Variants in ZSCAN25 observed in about 807,000 individuals in gnomAD.
The protein encoded by ZSCAN25 is zinc finger and SCAN domain containing 25, also known as zinc finger and SCAN domain-containing protein 25.
Under a neutral mutation model 38.7 loss-of-function variants are expected in ZSCAN25, and 27 were observed. The ratio of observed to expected loss-of-function variants is 0.70; its 90% CI spans 0.51 to 0.96. ZSCAN25 has a LOEUF of 0.96. ZSCAN25 is among the 40% of genes least tolerant of loss of function. The probability of loss-of-function intolerance (pLI) is 0.00; values close to 1 mark genes in which losing one functional copy is unlikely to be tolerated. For missense variants in ZSCAN25, 637 were observed against 705.9 expected, an observed-to-expected ratio of 0.90 and a Z score of 1.11; for synonymous variants, 273 against 277.7, an observed-to-expected ratio of 0.98 and a Z score of 0.17.
chr7:99,716,267 A>T, the ZSCAN25 span, among the ~76,000 whole-genome samples: 5 of 152,162 alleles, frequency 3.3e-5, no homozygotes, highest in African/African-American at 4.8e-5. Flanking sequence ...AAGAGTAGAA[A>T]AATTCACTCT....
rs1026355945 is a variant in ZSCAN25 at position 99,630,904 on chromosome 7, G to GA, written c.*886dup. 15 of 980,210 alleles carry GA rather than the reference G, an allele frequency of 1.5e-5. No homozygotes were observed. Among genetic ancestry groups the GA allele is most frequent in the Non-Finnish European group, 1.8e-5 (15 of 825,316 alleles). The allele number at this position is 980,210 out of a possible 1,614,324, so 60.7% of individuals were successfully genotyped here. Reference sequence around the variant, plus strand: ...TATAATTAAAATGAGTCTGAAAGATGAACTCTAGTATTAATGCCCTATATT... The same window carrying GA: ...TATAATTAAAATGAGTCTGAAAGATGAAACTCTAGTATTAATGCCCTATATT... On this transcript the variant is annotated 3_prime_UTR_variant, in exon 8 of 8. Transcript: ENST00000394152.
the ZSCAN25 span, chr7:99,663,091 A>G: frequency 2.3e-6 from 3 of 1,295,296 alleles, no homozygotes; most frequent in Non-Finnish European, 3.0e-6. Flanking sequence ...AAATCTAGCT[A>G]TCATGTCCAA....
chr7:99,703,548 A>G, the ZSCAN25 span, among the ~76,000 whole-genome samples: 3 of 152,168 alleles, frequency 2.0e-5, no homozygotes, highest in South Asian at 2.1e-4. Flanking sequence ...TCTATCACCT[A>G]TCTACCCATC....
chr7:99,676,062 T>C, the ZSCAN25 span: 15 of 1,511,814 alleles, frequency 9.9e-6, no homozygotes, highest in Admixed American at 2.4e-4. Flanking sequence ...CTGATGGAAC[T>C]AAGCTGATGT....
the ZSCAN25 span, among the ~76,000 whole-genome samples, chr7:99,680,989 A>G: frequency 6.6e-6 from 1 of 152,354 alleles, no homozygotes; most frequent in African/African-American, 2.4e-5. Flanking sequence ...AACACTGACT[A>G]AGGCCCAGAC....
chr7:99,698,930 T>G, the ZSCAN25 span, among the ~76,000 whole-genome samples: 12 of 152,366 alleles, frequency 7.9e-5, no homozygotes, highest in East Asian at 1.9e-3. Context: ...AAGTTTATAT[T>G]TCCTATTTTC....
chr7:99,651,307 G>A, the ZSCAN25 span, among the ~76,000 whole-genome samples: 12 of 152,110 alleles, frequency 7.9e-5, no homozygotes, highest in Non-Finnish European at 1.8e-4. Context: ...ATGGATTTAT[G>A]TAAATCATAT....
rs1807904313 is a variant in ZSCAN25 at position 99,630,418 on chromosome 7, C to T, written c.*398C>T. The stretch of plus-strand genomic sequence containing the variant: ...GCAGGGTCATAGCTCAGACTCTTCC[C>T]CCACCCCCTCTCTTTTCCATTGAAC... On this transcript the variant is annotated 3_prime_UTR_variant, in exon 8 of 8. Transcript: ENST00000394152. 14 of 1,017,048 alleles carry T rather than the reference C, an allele frequency of 1.4e-5. No individual in the cohort carries two copies. The highest frequency in any genetic ancestry group is 1.6e-5 in the Non-Finnish European group (14 of 850,832). 63.0% of individuals were successfully genotyped at this position (1,017,048 alleles called of 1,614,324 possible).
chr7:99,702,469 A>G, the ZSCAN25 span, among the ~76,000 whole-genome samples: 5 of 152,230 alleles, frequency 3.3e-5, no homozygotes, highest in East Asian at 9.6e-4. Flanking sequence ...TCTTCTGCAT[A>G]TTGATATCCA....
chr7:99,623,095 C>T (rs780585748), intron 6 of ZSCAN25, among the ~76,000 whole-genome samples: 3 of 152,188 alleles, frequency 2.0e-5, no homozygotes, highest in Non-Finnish European at 2.9e-5. Context: ...CATGAGCCAC[C>T]GCGCCCAGCC....
the ZSCAN25 span, among the ~76,000 whole-genome samples, chr7:99,654,164 T>C: frequency 3.3e-5 from 5 of 152,290 alleles, no homozygotes; most frequent in Non-Finnish European, 7.4e-5. Flanking sequence ...CTATGCCATG[T>C]TGGTGTGCTG....
At chr7:99,687,184 G>C in the ZSCAN25 span, among the ~76,000 whole-genome samples, 1 of 152,192 alleles carries the variant, frequency 6.6e-6, no homozygotes, top group Non-Finnish European at 1.5e-5. Flanking sequence ...AATGACTTTG[G>C]CAAGTTGAGA....
At chr7:99,676,565 G>T in the ZSCAN25 span, 3 of 1,357,070 alleles carry the variant, frequency 2.2e-6, no homozygotes, top group Non-Finnish European at 2.9e-6. Context: ...CGCTGATTTG[G>T]GGACTCTCAT....
At chr7:99,670,858 A>G in the ZSCAN25 span, 2 of 152,210 alleles carry the variant, frequency 1.3e-5, no homozygotes. Flanking sequence ...ATACTGATGG[A>G]TTAGTTTCTC....
At chr7:99,717,418 C>T in the ZSCAN25 span, 2 of 1,582,034 alleles carry the variant, frequency 1.3e-6, no homozygotes, top group Non-Finnish European at 1.7e-6. Context: ...TTAGGAAGCT[C>T]AAATTCAGCA....
At chr7:99,687,338 G>T in the ZSCAN25 span, among the ~76,000 whole-genome samples, 1 of 152,216 alleles carries the variant, frequency 6.6e-6, no homozygotes, top group Non-Finnish European at 1.5e-5. Flanking sequence ...GGAGCTGATG[G>T]AGCTGAAGGC....
chr7:99,628,517 G>A (rs938638797), intron 7 of ZSCAN25, among the ~76,000 whole-genome samples: 4 of 152,218 alleles, frequency 2.6e-5, no homozygotes, highest in Non-Finnish European at 4.4e-5. Context: ...TTTCAGCAGC[G>A]TCATGGTCTC....
chr7:99,709,075 G>A, the ZSCAN25 span: 5 of 1,613,866 alleles, frequency 3.1e-6, no homozygotes, highest in Non-Finnish European at 4.2e-6. Context: ...CAGTACTTTG[G>A]GTCATGATGA....
chr7:99,685,070 G>T, the ZSCAN25 span: 1 of 1,144,018 alleles, frequency 8.7e-7, no homozygotes, highest in Non-Finnish European at 1.3e-6. Flanking sequence ...TATTCACAAA[G>T]TAATTTGAGG....
Sources: allele counts gnomAD v4.1 joint callset (sites outside exome capture counted in the v4.1 genomes callset), GRCh38; gene constraint gnomAD v4.1.1; transcripts MANE v1.5; gene names NCBI Gene and HGNC (gene_info 2026-07-23, HGNC 2026-07-21).